The following CD6 variants were observed in gnomAD, a reference collection of about 807,000 sequenced individuals.
The protein encoded by CD6 is T-cell differentiation antigen CD6.
A neutral mutation model predicts 75.3 loss-of-function variants in CD6; 53 were observed. The ratio of observed to expected loss-of-function variants is 0.70; its 90% CI spans 0.56 to 0.88. The LOEUF (loss-of-function observed/expected upper bound fraction) is 0.88, where lower values mean the gene tolerates loss of function less well. Ranked by LOEUF, CD6 falls within the 40% of genes least tolerant of loss-of-function variation. CD6 has a pLI of 0.00. For missense variants in CD6, 770 were observed against 897.1 expected (o/e 0.86, Z 1.81); for synonymous variants, 359 against 381.5 (o/e 0.94, Z 0.69).
chr11:61,016,155 G>C (rs1354436073), intron 9 of CD6, among the ~76,000 whole-genome samples: 1 of 152,180 alleles, frequency 6.6e-6, no homozygotes, highest in Non-Finnish European at 1.5e-5. Context: ...GAGCGGGGGA[G>C]TGCGGATGAG....
intron 8 of CD6, 125 bp downstream of exon 8, chr11:61,014,139 C>A (rs1590725354): frequency 1.5e-6 from 1 of 646,062 alleles, no homozygotes; most frequent in East Asian, 3.0e-5. Context: ...TGGGCCAGCC[C>A]ACTCCCGGCC....
At chr11:60,982,808 G>A in intron 1 of CD6, 1 of 449,894 alleles carries the variant, frequency 2.2e-6, no homozygotes. Context: ...GGGTCTTGGA[G>A]CAGGGCTGAG....
At chr11:61,011,237 G>T (rs1279508696) in intron 6 of CD6, 102 bp downstream of exon 6, 1 of 973,538 alleles carries the variant, frequency 1.0e-6, no homozygotes, top group South Asian at 1.5e-5. Flanking sequence ...GTGGAGGATG[G>T]TTTGGTCCTC....
intron 6 of CD6, among the ~76,000 whole-genome samples, chr11:61,012,189 G>C (rs1421870638): frequency 6.6e-6 from 1 of 152,188 alleles, no homozygotes; most frequent in Non-Finnish European, 1.5e-5. Flanking sequence ...AACTGCACAG[G>C]CTGCCGGGCA....
rs1859496384 is a variant in CD6, at chr11:61,017,958, C to T, written c.1782C>T (p.Ser594=). The T allele has an allele frequency of 6.2e-7, 1 of 1,613,412 alleles. No individual in the cohort carries two copies. Among genetic ancestry groups the T allele is most frequent in the Non-Finnish European group, 8.5e-7 (1 of 1,180,028 alleles). Reference sequence around the variant, plus strand: ...AGGTGTTTTCTTCAGAGAGGAGTTCCTTCCTGGAGCAGCCCCCAAACTTGG... The same window carrying T: ...AGGTGTTTTCTTCAGAGAGGAGTTCTTTCCTGGAGCAGCCCCCAAACTTGG... The part of the protein sequence containing the change: ...NPQVFSSERS[S]FLEQPPNLEL... The change falls in exon 11 of 13, where the codon TCC becomes TCT. Residue 594 remains serine, a synonymous_variant. Coordinates refer to ENST00000313421, the MANE Select transcript of CD6 (RefSeq NM_006725.5).
At chr11:60,989,032 C>A (rs1857946120) in intron 1 of CD6, among the ~76,000 whole-genome samples, 1 of 152,204 alleles carries the variant, frequency 6.6e-6, no homozygotes, top group African/African-American at 2.4e-5. Context: ...CCTGGCCCAC[C>A]AGCTTCTGTC....
At chr11:61,011,219 G>C in intron 6 of CD6, 84 bp downstream of exon 6, 1 of 795,562 alleles carries the variant, frequency 1.3e-6, no homozygotes, top group South Asian at 2.9e-5. Context: ...GTGCACACCT[G>C]TGTTGGGGTG....
In CD6 at chr11:60,990,732, A is replaced by G. The variant is rs139099720; in HGVS notation, c.50-15842A>G. On this transcript the variant is annotated intron_variant, in intron 1 of 12. Transcript: ENST00000313421. ...TCCCACATTTTTATACTCCTATTACACAAAAAGTGTCTCCATACACAATGG... is the reference window on the plus strand; with the variant it reads ...TCCCACATTTTTATACTCCTATTACGCAAAAAGTGTCTCCATACACAATGG... Among the ~76,000 whole-genome samples, 100 of 119,586 alleles carry G rather than the reference A, an allele frequency of 8.4e-4. 1 individual carries two copies. In the East Asian group the frequency reaches 0.031, roughly 37 times the overall value. 78.5% of individuals were successfully genotyped at this position (119,586 alleles called of 152,430 possible).
chr11:60,993,950 C>T (rs1858167481), intron 1 of CD6, among the ~76,000 whole-genome samples: 1 of 152,160 alleles, frequency 6.6e-6, no homozygotes, highest in Non-Finnish European at 1.5e-5. Flanking sequence ...AGCAATTGAA[C>T]GTACCTCAAA....
At position 61,017,774 on chromosome 11, in the gene CD6, A is replaced by G. The variant is rs1859479627; in HGVS notation, c.1598A>G (p.His533Arg). The G allele has an allele frequency of 1.9e-6, 3 of 1,613,994 alleles. No individual in the cohort carries two copies. In the South Asian group the frequency reaches 3.3e-5, roughly 18 times the overall value. ...CCTGCCTTAGGACTTGAAGAGTTGC[A>G]TGCCTCCCACATCCCAACTGCCAAC... ...PPLEEGLEEL[H>R]ASHIPTANPG... Residue 533 changes from histidine (H) to arginine (R), a missense_variant, in exon 11 of 13, where the codon CAT becomes CGT. Transcript: ENST00000313421.
intron 6 of CD6, 44 bp from the exon 7 acceptor site, chr11:61,013,379 G>A: frequency 6.2e-7 from 1 of 1,606,852 alleles, no homozygotes; most frequent in South Asian, 1.1e-5. Context: ...AGAAGGGTGA[G>A]TGCCCATTCC....
chr11:60,974,428 G>A (rs1857291882), intron 1 of CD6, among the ~76,000 whole-genome samples: 1 of 152,204 alleles, frequency 6.6e-6, no homozygotes, highest in South Asian at 2.1e-4. Flanking sequence ...TGTATTTTTA[G>A]TAGAGACGTG....
intron 1 of CD6, among the ~76,000 whole-genome samples, chr11:60,979,538 C>G (rs1336755173): frequency 6.6e-6 from 1 of 151,904 alleles, no homozygotes; most frequent in Admixed American, 6.6e-5. Flanking sequence ...GCGATCTCAG[C>G]TCACTGCAAC....
In CD6 at chr11:60,998,965, C is replaced by A. The variant is rs539422647; in HGVS notation, c.50-7609C>A. Among the ~76,000 whole-genome samples, 74 of 152,112 alleles carry A rather than the reference C, an allele frequency of 4.9e-4. 2 individuals carry two copies. In the East Asian group the frequency reaches 0.014, roughly 29 times the overall value. Reference sequence around the variant, plus strand: ...CCTGAGGTCAGGAGTTCGAGACCAGCCTGGCCAACATCGTGAAACCCAGTC... The same window carrying A: ...CCTGAGGTCAGGAGTTCGAGACCAGACTGGCCAACATCGTGAAACCCAGTC... On this transcript the variant is annotated intron_variant, in intron 1 of 12. Coordinates refer to ENST00000313421, the MANE Select transcript of CD6 (RefSeq NM_006725.5).
chr11:61,004,997 C>T (rs1227315103), intron 1 of CD6, among the ~76,000 whole-genome samples: 2 of 152,216 alleles, frequency 1.3e-5, no homozygotes, highest in Non-Finnish European at 1.5e-5. Flanking sequence ...GCAACCACAA[C>T]AGTCCCTGCC....
At chr11:60,988,883 C>T (rs1857937217) in intron 1 of CD6, among the ~76,000 whole-genome samples, 1 of 152,210 alleles carries the variant, frequency 6.6e-6, no homozygotes, top group African/African-American at 2.4e-5. Flanking sequence ...CCTGGAAAAT[C>T]GCTGAGAGCT....
chr11:60,994,465 A>AAAAACAAAAAAAAC lies in CD6; in HGVS notation c.50-12105_50-12104insCAAAAAAAACAAAA, dbSNP rs1554993200. ...CTCCCCAACACCCCCGCCAAAAAAA[A>AAAAACAAAAAAAAC]AAAAAAGCTGAATTTCTTTGACCTG... On this transcript the variant is annotated intron_variant, in intron 1 of 12. Transcript: ENST00000313421. Among the ~76,000 whole-genome samples, 2 of 138,276 alleles carry AAAAACAAAAAAAAC rather than the reference A, an allele frequency of 1.4e-5. 1 individual carries two copies. Among genetic ancestry groups the AAAAACAAAAAAAAC allele is most frequent in the East Asian group, 3.9e-4 (2 of 5,068 alleles). 90.7% of individuals were successfully genotyped at this position (138,276 alleles called of 152,430 possible).
At chr11:60,973,457 T>C (rs1488561424) in intron 1 of CD6, among the ~76,000 whole-genome samples, 2 of 152,250 alleles carry the variant, frequency 1.3e-5, no homozygotes, top group African/African-American at 4.8e-5. Context: ...TGTGTTGATA[T>C]TTACTTGACT....
At chr11:60,985,497 T>A (rs1185045030) in intron 1 of CD6, among the ~76,000 whole-genome samples, 1 of 152,132 alleles carries the variant, frequency 6.6e-6, no homozygotes, top group African/African-American at 2.4e-5. Context: ...CCTCTCCTTT[T>A]ATAAACTTAA....
Sources: gnomAD v4.1 joint callset for allele counts (sites outside exome capture counted in the v4.1 genomes callset) on GRCh38, gnomAD v4.1.1 for gene constraint, MANE v1.5 for transcripts, NCBI Gene and HGNC (gene_info 2026-07-23, HGNC 2026-07-21) for gene names.